EOGT: variants seen among roughly 807,000 people sequenced by gnomAD.
EOGT encodes EGF domain specific O-linked N-acetylglucosamine transferase, also known as EGF domain-specific O-linked N-acetylglucosamine transferase.
A neutral mutation model predicts 70.5 loss-of-function variants in EOGT; 55 were observed. The observed-to-expected ratio is 0.78, with a 90% CI of 0.63 to 0.98. EOGT has a LOEUF of 0.98. Ranked by LOEUF, EOGT falls within the 50% of genes least tolerant of loss-of-function variation. The pLI is 0.00. For missense variants in EOGT, 703 were observed against 641.9 expected, an observed-to-expected ratio of 1.10 and a Z score of -1.03; for synonymous variants, 246 against 217.1, an observed-to-expected ratio of 1.13 and a Z score of -1.17.
At chr3:68,989,803 A>G (rs1271167954) in intron 10 of EOGT, among the ~76,000 whole-genome samples, 1 of 150,800 alleles carries the variant, frequency 6.6e-6, no homozygotes, top group African/African-American at 2.4e-5. Context: ...TAGGCTGGTC[A>G]CAGTGGCTCA....
At chr3:69,011,684 T>TA (rs2091582873) in intron 3 of EOGT, among the ~76,000 whole-genome samples, 2 of 151,882 alleles carry the variant, frequency 1.3e-5, no homozygotes, top group Admixed American at 1.3e-4. Flanking sequence ...CATGGAATTC[T>TA]AAGTGAACAG....
intron 10 of EOGT, among the ~76,000 whole-genome samples, chr3:68,995,927 T>C (rs1417458301): frequency 6.6e-6 from 1 of 152,124 alleles, no homozygotes; most frequent in Non-Finnish European, 1.5e-5. Flanking sequence ...AAAACTCAAG[T>C]CCACGGGGGT....
intron 14 of EOGT, among the ~76,000 whole-genome samples, chr3:68,983,226 C>A (rs1326194280): frequency 6.6e-6 from 1 of 152,102 alleles, no homozygotes; most frequent in Non-Finnish European, 1.5e-5. Context: ...GCTTATTATT[C>A]CCTCAACTTT....
intron 3 of EOGT, among the ~76,000 whole-genome samples, chr3:69,011,401 A>T (rs1279422810): frequency 6.6e-6 from 1 of 151,596 alleles, no homozygotes; most frequent in African/African-American, 2.4e-5. Flanking sequence ...CAAGACTGGC[A>T]GATTGCTTGA....
intron 10 of EOGT, 22 bp from the exon 11 acceptor site, chr3:68,989,039 G>A (rs2090900796): frequency 3.7e-6 from 5 of 1,363,688 alleles, no homozygotes; most frequent in Non-Finnish European, 5.0e-6. Flanking sequence ...AACAAAACAA[G>A]GTTTTAGGGC....
intron 8 of EOGT, among the ~76,000 whole-genome samples, chr3:69,001,944 C>G (rs1173425653): frequency 6.6e-6 from 1 of 152,176 alleles, no homozygotes; most frequent in Non-Finnish European, 1.5e-5. Flanking sequence ...GTAATCCCAG[C>G]ACTTTGGGAG....
chr3:68,992,901 G>A (rs560225362), intron 10 of EOGT, among the ~76,000 whole-genome samples: 1 of 152,310 alleles, frequency 6.6e-6, no homozygotes, highest in South Asian at 2.1e-4. Flanking sequence ...ACCCTCTGAA[G>A]CCACAGCCTG....
intron 9 of EOGT, 151 bp from the exon 10 acceptor site, chr3:68,998,265 T>C (rs955893046): frequency 6.9e-6 from 4 of 583,506 alleles, no homozygotes; most frequent in African/African-American, 3.9e-5. Flanking sequence ...AAACATGAAA[T>C]GATCTAGATA....
At chr3:68,980,071 A>C (rs149847993) in intron 15 of EOGT, among the ~76,000 whole-genome samples, 1 of 152,316 alleles carries the variant, frequency 6.6e-6, no homozygotes, top group Non-Finnish European at 1.5e-5. Flanking sequence ...AAGCAGTGAC[A>C]TATGACATCA....
At chr3:68,986,962 T>C (rs2090828429) in intron 14 of EOGT, among the ~76,000 whole-genome samples, 2 of 152,204 alleles carry the variant, frequency 1.3e-5, no homozygotes, top group Non-Finnish European at 2.9e-5. Context: ...GGTGATCTCA[T>C]TGAGGTTAAA....
chr3:68,993,637 A>G (rs1350904116), intron 10 of EOGT, among the ~76,000 whole-genome samples: 7 of 152,220 alleles, frequency 4.6e-5, no homozygotes, highest in Admixed American at 3.9e-4. Flanking sequence ...ACTTTCAGGT[A>G]TCTTTTCAGC....
intron 8 of EOGT, among the ~76,000 whole-genome samples, chr3:69,002,184 A>G (rs574700218): frequency 6.6e-6 from 1 of 152,224 alleles, no homozygotes; most frequent in East Asian, 1.9e-4. Flanking sequence ...AACCTGAGTG[A>G]GTTTAGCAGC....
At chr3:69,010,147 A>T (rs2091541795) in intron 3 of EOGT, among the ~76,000 whole-genome samples, 1 of 152,220 alleles carries the variant, frequency 6.6e-6, no homozygotes, top group African/African-American at 2.4e-5. Flanking sequence ...TAAACAAGCA[A>T]TCAAATAAAC....
At chr3:68,985,721 T>A (rs1278143168) in intron 14 of EOGT, among the ~76,000 whole-genome samples, 1 of 152,230 alleles carries the variant, frequency 6.6e-6, no homozygotes, top group Non-Finnish European at 1.5e-5. Flanking sequence ...ATCAATCTCC[T>A]TGCAGAATGA....
Position 68,988,364 on chromosome 3 carries a change from A to G in EOGT, c.1014T>C (p.Asn338=). Residue 338 remains asparagine (N), a synonymous_variant, in exon 13 of 18, where the codon AAT becomes AAC. Transcript: ENST00000383701. The part of the protein sequence containing the change: ...YNTPLISGCQ[N]TGLFRAFAQH... Reference sequence around the variant, plus strand: ...GGGCAAATGCCCTGAATAGTCCAGTATTTTGACAGCCAGATATCTAAAATA... The same window carrying G: ...GGGCAAATGCCCTGAATAGTCCAGTGTTTTGACAGCCAGATATCTAAAATA... 6.5e-7 allele frequency: 1 copy of G among 1,535,858 alleles called. No homozygotes were observed. Among genetic ancestry groups the G allele is most frequent in the Non-Finnish European group, 8.7e-7 (1 of 1,146,676 alleles).
intron 3 of EOGT, among the ~76,000 whole-genome samples, chr3:69,010,450 GA>G (rs1304274464): frequency 6.6e-6 from 1 of 152,204 alleles, no homozygotes; most frequent in Non-Finnish European, 1.5e-5. Context: ...ATAGCATGGT[GA>G]ACATTTAAAG....
At chr3:69,013,341 G>C (rs1462099816) in intron 1 of EOGT, among the ~76,000 whole-genome samples, 1 of 151,738 alleles carries the variant, frequency 6.6e-6, no homozygotes, top group African/African-American at 2.4e-5. Context: ...CCTGCGCTCC[G>C]GGCGCTGGGA....
intron 14 of EOGT, among the ~76,000 whole-genome samples, chr3:68,983,546 C>T (rs1289119071): frequency 6.6e-6 from 1 of 152,234 alleles, no homozygotes; most frequent in Non-Finnish European, 1.5e-5. Flanking sequence ...TGTCATGTTG[C>T]CTTGTGGCAT....
chr3:68,982,464 G>T (rs1011989030), intron 15 of EOGT, among the ~76,000 whole-genome samples: 3 of 152,154 alleles, frequency 2.0e-5, no homozygotes, highest in Non-Finnish European at 4.4e-5. Flanking sequence ...AGGTTGCAGT[G>T]AGCTGAGATG....
Sources: gnomAD v4.1 joint callset for allele counts (sites outside exome capture counted in the v4.1 genomes callset) on GRCh38, gnomAD v4.1.1 for gene constraint, MANE v1.5 for transcripts, NCBI Gene and HGNC (gene_info 2026-07-23, HGNC 2026-07-21) for gene names.